Variants in ACIN1 observed in about 807,000 individuals in gnomAD.
ACIN1 encodes the protein apoptotic chromatin condensation inducer in the nucleus.
Under a neutral mutation model 146.6 loss-of-function variants are expected in ACIN1, and 16 were observed. The ratio of observed to expected loss-of-function variants is 0.11; its 90% CI spans 0.07 to 0.17. The LOEUF (loss-of-function observed/expected upper bound fraction) is 0.17, where lower values mean the gene tolerates loss of function less well. Among genes scored for constraint, ACIN1 ranks in the 10% least tolerant of loss-of-function variants. The pLI, the probability that ACIN1 is intolerant of heterozygous loss-of-function variation, is 1.00. For synonymous variants in ACIN1, 569 were observed against 582.7 expected, an observed-to-expected ratio of 0.98 and a Z score of 0.34; for missense variants, 1,357 against 1,609.3, an observed-to-expected ratio of 0.84 and a Z score of 2.68.
chr14:23,074,339 G>C (rs1009588165), intron 8 of ACIN1, among the ~76,000 whole-genome samples: 1 of 151,864 alleles, frequency 6.6e-6, no homozygotes, highest in Non-Finnish European at 1.5e-5. Flanking sequence ...GCTGAGACAG[G>C]AGGACTGCCT....
At chr14:23,069,652 G>GGGCCCGCC in intron 8 of ACIN1, 35 bp from the exon 9 acceptor site, 1 of 577,968 alleles carries the variant, frequency 1.7e-6, no homozygotes, top group Non-Finnish European at 3.3e-6. Flanking sequence ...GGGGGGGCGG[G>GGGCCCGCC]CAGAAAAGAA....
chr14:23,071,058 A>C, intron 8 of ACIN1: 1 of 1,469,770 alleles, frequency 6.8e-7, no homozygotes, highest in Admixed American at 2.1e-5. Context: ...GCCATGAGGA[A>C]GAGAAGGAAG....
chr14:23,083,307 T>C (rs60475429), intron 4 of ACIN1, among the ~76,000 whole-genome samples: 2,959 of 151,998 alleles, frequency 0.019, 96 homozygotes, highest in African/African-American at 0.068. Context: ...AGGGCTCAAG[T>C]AATCCTCCCA....
Position 23,070,208 on chromosome 14 carries a change from G to T in ACIN1, c.2124-591C>A, listed in dbSNP as rs2047591132. ...ATGGAGAAAATGGTGGGGGGTGGGG[G>T]GTGCGGGGCGGGGGGTGGGAGCTGC... On this transcript the variant is annotated intron_variant, in intron 8 of 18. Coordinates refer to ENST00000605057, the MANE Select transcript of ACIN1 (RefSeq NM_001386863.1). 4.0e-5 allele frequency among the ~76,000 whole-genome samples: 6 copies of T among 149,146 alleles called. No individual in the cohort carries two copies. In the South Asian group the frequency reaches 1.3e-3, roughly 32 times the overall value.
chr14:23,074,573 A>G (rs2047751628), intron 8 of ACIN1, among the ~76,000 whole-genome samples: 1 of 152,126 alleles, frequency 6.6e-6, no homozygotes, highest in Non-Finnish European at 1.5e-5. Context: ...TCCAAAAAAG[A>G]AAAAAGATAA....
At chr14:23,077,400 C>T (rs2047829002) in intron 8 of ACIN1, among the ~76,000 whole-genome samples, 1 of 152,178 alleles carries the variant, frequency 6.6e-6, no homozygotes, top group African/African-American at 2.4e-5. Flanking sequence ...CATAAGGCTT[C>T]ATTTTTTCAT....
chr14:23,078,867 G>C lies in ACIN1; in HGVS notation c.1960C>G (p.Pro654Ala). ...SSVQARRLSQ[P>A]ESAEKHVTQR... ...GTCACATGCTTTTCAGCTGATTCAG[G>C]CTGACTCAGACGCCTTGCTTGGACA... is the stretch of plus-strand genomic sequence containing the variant. The change falls in exon 7 of 19, where the codon CCT (proline) becomes GCT (alanine). Residue 654 changes from proline to alanine, a missense_variant. Pro to Ala is a conservative substitution (Grantham distance 27). Transcript: ENST00000605057. 6.2e-7 allele frequency: 1 copy of C among 1,613,532 alleles called. No homozygotes were observed. Among genetic ancestry groups the C allele is most frequent in the Non-Finnish European group, 8.5e-7 (1 of 1,180,014 alleles).
Position 23,085,157 on chromosome 14 carries a change from C to T in ACIN1, c.437-3321G>A, listed in dbSNP as rs374307753. Reference sequence around the variant, plus strand: ...GGAGATTAAGACCATGGTGAAACCCCGTCTCTACTAAAAATACAAAAAAAA... The same window carrying T: ...GGAGATTAAGACCATGGTGAAACCCTGTCTCTACTAAAAATACAAAAAAAA... On this transcript the variant is annotated intron_variant, in intron 4 of 18. Transcript: ENST00000605057. 2.6e-5 allele frequency among the ~76,000 whole-genome samples: 4 copies of T among 151,914 alleles called. No individual in the cohort carries two copies. The East Asian group carries it at 7.7e-4, about 29-fold the overall frequency.
At chr14:23,074,700 C>CAGAA (rs2047754748) in intron 8 of ACIN1, among the ~76,000 whole-genome samples, 1 of 152,088 alleles carries the variant, frequency 6.6e-6, no homozygotes, top group East Asian at 1.9e-4. Flanking sequence ...TGAAACTGCA[C>CAGAA]AGAATAAGCA....
upstream of ACIN1, chr14:23,095,342 T>G: frequency 1.3e-6 from 2 of 1,541,568 alleles, no homozygotes; most frequent in Non-Finnish European, 1.8e-6. Context: ...TCGCCCTGCT[T>G]TCAGGCTCGG....
At chr14:23,092,097 ATT>A (rs78177271) in intron 2 of ACIN1, among the ~76,000 whole-genome samples, 17 of 147,360 alleles carry the variant, frequency 1.2e-4, no homozygotes, top group African/African-American at 2.5e-4. Flanking sequence ...GCCTTTTCCT[ATT>A]TTTTTTTTTT....
chr14:23,087,224 G>A (rs534917040), intron 4 of ACIN1, among the ~76,000 whole-genome samples: 1 of 152,306 alleles, frequency 6.6e-6, no homozygotes, highest in Admixed American at 6.5e-5. Flanking sequence ...AAACACTAGG[G>A]TTAATGCTGA....
chr14:23,095,125 A>C lies in ACIN1; in HGVS notation c.-13T>G, dbSNP rs1231354016. ...CCAGCTCCGCCATCTTGCGTGAGGT[A>C]CTCGGGTCCGTCCCGACGGCTTCGG... On this transcript the variant is annotated 5_prime_UTR_variant, in exon 1 of 19. Transcript: ENST00000605057. 1 of 1,614,186 alleles carries C rather than the reference A, an allele frequency of 6.2e-7. No individual in the cohort carries two copies. The highest frequency in any genetic ancestry group is 8.5e-7 in the Non-Finnish European group (1 of 1,180,036).
Position 23,067,784 on chromosome 14 carries a change from G to A in ACIN1, c.2265+1692C>T. 1.0e-6 allele frequency: 1 copy of A among 985,936 alleles called. No homozygotes were observed. The highest frequency in any genetic ancestry group is 1.7e-5 in the African/African-American group (1 of 57,332). The allele number at this position is 985,936 out of a possible 1,614,324, so 61.1% of individuals were successfully genotyped here. A position where few individuals can be genotyped will look rare whatever the true frequency, so the allele number is the denominator to read the frequency against. ...ACTTGGAATCCAGGTGATGACTCCAGAGTCCCTTTCTCCTCTGCCTGTAAC... is the reference window on the plus strand; with the variant it reads ...ACTTGGAATCCAGGTGATGACTCCAAAGTCCCTTTCTCCTCTGCCTGTAAC... On this transcript the variant is annotated intron_variant, in intron 9 of 18. Transcript: ENST00000605057. This position sits in a 1 kb window ranked among gnomAD's most constrained non-coding sequence, Gnocchi z 4.6.
chr14:23,091,567 G>GA lies in ACIN1; in HGVS notation c.205-935dup, dbSNP rs779774943. On this transcript the variant is annotated intron_variant, in intron 2 of 18. Coordinates refer to ENST00000605057, the MANE Select transcript of ACIN1 (RefSeq NM_001386863.1). ...GTTAAAGAGCAAGACTCCATCTCAA[G>GA]AAAAAAAAAAAAAAAAGCCAGTTCC... Among the ~76,000 whole-genome samples the GA allele has an allele frequency of 4.4e-3, 386 of 88,668 alleles. 2 individuals are homozygous for GA. The highest frequency in any genetic ancestry group is 5.4e-3 in the Non-Finnish European group (222 of 41,172). The allele number at this position is 88,668 out of a possible 152,430, so 58.2% of individuals were successfully genotyped here.
At position 23,061,343 on chromosome 14, in the gene ACIN1, G is replaced by C. The variant is rs200247829; in HGVS notation, c.3379C>G (p.Arg1127Gly). Residue 1127 changes from arginine to glycine, a missense_variant, in exon 17 of 19, where the codon CGC (arginine) becomes GGC (glycine). By Grantham distance (125) the Arg-to-Gly change is moderately radical. Transcript: ENST00000605057. ...RSRSRSRDRR[R>G]KERAKSKEKK... Reference sequence around the variant, plus strand: ...TCTTTAGACTTCGCACGTTCCTTGCGGCGGCGGTCACGGGACCTTGATCGG... The same window carrying C: ...TCTTTAGACTTCGCACGTTCCTTGCCGCGGCGGTCACGGGACCTTGATCGG... 5 of 1,614,082 alleles carry C rather than the reference G, an allele frequency of 3.1e-6. No individual in the cohort carries two copies. Among genetic ancestry groups the C allele is most frequent in the Non-Finnish European group, 4.2e-6 (5 of 1,180,028 alleles).
intron 4 of ACIN1, among the ~76,000 whole-genome samples, chr14:23,086,570 T>G (rs2048095986): frequency 6.6e-6 from 1 of 152,206 alleles, no homozygotes; most frequent in Non-Finnish European, 1.5e-5. Flanking sequence ...TCTGCCACCT[T>G]GACTGCTAGG....
At chr14:23,081,431 A>G (rs957823364) in intron 5 of ACIN1, among the ~76,000 whole-genome samples, 2 of 152,212 alleles carry the variant, frequency 1.3e-5, no homozygotes, top group East Asian at 3.8e-4. Flanking sequence ...AGACAAAACG[A>G]ACAACAAAAA....
At chr14:23,091,157 A>C (rs896595659) in intron 2 of ACIN1, among the ~76,000 whole-genome samples, 1 of 152,114 alleles carries the variant, frequency 6.6e-6, no homozygotes, top group Non-Finnish European at 1.5e-5. Context: ...CACCCGCCTC[A>C]GCCTCCCAAA....
Sources: gnomAD v4.1 joint callset for allele counts (sites outside exome capture counted in the v4.1 genomes callset) on GRCh38, gnomAD v4.1.1 for gene constraint, Gnocchi (gnomAD v3.1) non-coding constraint, MANE v1.5 for transcripts, NCBI Gene and HGNC (gene_info 2026-07-23, HGNC 2026-07-21) for gene names.